The following NLRP4 variants were observed in gnomAD, a reference collection of about 807,000 sequenced individuals.
The protein encoded by NLRP4 is NACHT, LRR and PYD domains-containing protein 4.
Under a neutral mutation model 84.7 loss-of-function variants are expected in NLRP4, and 44 were observed. The observed-to-expected ratio is 0.52, with a 90% CI of 0.41 to 0.67. The LOEUF (loss-of-function observed/expected upper bound fraction) is 0.67. NLRP4 is among the 30% of genes least tolerant of loss of function. The pLI is 0.00. For missense variants in NLRP4, 1,260 were observed against 1,219.4 expected (o/e 1.03, Z -0.50); for synonymous variants, 544 against 476.4 (o/e 1.14, Z -1.85).
Position 55,857,845 on chromosome 19 carries a change from TGATCA to T in NLRP4, c.453_457del (p.Ile152SerfsTer28). The T allele has an allele frequency of 6.2e-7, 1 of 1,613,962 alleles. No individual in the cohort carries two copies. The highest frequency in any genetic ancestry group is 8.5e-7 in the Non-Finnish European group (1 of 1,179,898). ...GAAGCTGGGAAACAGCCACGTACAG[TGATCA>T]TTCAAGGACCACAAGGAATTGGAAA... is the stretch of plus-strand genomic sequence containing the variant. On this transcript the variant is annotated frameshift_variant, in exon 3 of 10. Coordinates refer to ENST00000301295, the MANE Select transcript of NLRP4 (RefSeq NM_134444.5). LOFTEE classifies it high-confidence loss of function.
chr19:55,851,992 G>C, intron 1 of NLRP4, 24 bp from the exon 2 acceptor site: 2 of 903,238 alleles, frequency 2.2e-6, no homozygotes, highest in Admixed American at 4.7e-5. Flanking sequence ...GTAATAACTT[G>C]GCACTGTCCT....
At chr19:55,870,267 A>G (rs960004132) in intron 6 of NLRP4, among the ~76,000 whole-genome samples, 1 of 152,208 alleles carries the variant, frequency 6.6e-6, no homozygotes, top group African/African-American at 2.4e-5. Flanking sequence ...ATTAGAACCA[A>G]AATTAAAGCC....
chr19:55,837,755 G>A (rs1321725713), intron 1 of NLRP4, among the ~76,000 whole-genome samples: 1 of 152,180 alleles, frequency 6.6e-6, no homozygotes, highest in Non-Finnish European at 1.5e-5. Context: ...GCCACATGCG[G>A]CTGGGTGTGG....
At chr19:55,869,795 AATTCAT>A (rs1252340985) in intron 6 of NLRP4, among the ~76,000 whole-genome samples, 1 of 151,350 alleles carries the variant, frequency 6.6e-6, no homozygotes, top group Non-Finnish European at 1.5e-5. Context: ...AAAAAAAAAA[AATTCAT>A]AAACTGGCTG....
At position 55,852,199 on chromosome 19, in the gene NLRP4, A is replaced by G. The variant is rs750500591; in HGVS notation, c.119A>G (p.Lys40Arg). ...LKQMTLQLEL[K>R]QIPWTEVKKA... Reference sequence around the variant, plus strand: ...CAAATGACTTTGCAGCTTGAACTCAAGCAGATTCCCTGGACTGAGGTCAAA... The same window carrying G: ...CAAATGACTTTGCAGCTTGAACTCAGGCAGATTCCCTGGACTGAGGTCAAA... The change falls in exon 2 of 10, where the codon AAG (lysine) becomes AGG (arginine). Residue 40 changes from lysine (K) to arginine (R), a missense_variant. Physicochemically the swap from Lys to Arg is conservative, Grantham distance 26. Transcript: ENST00000301295. 7 of 1,608,652 alleles carry G rather than the reference A, an allele frequency of 4.4e-6. No homozygotes were observed. In the South Asian group the frequency reaches 5.6e-5, roughly 13 times the overall value.
At chr19:55,878,653 A>T (rs192536933) in intron 8 of NLRP4, 141 bp from the exon 9 acceptor site, 1 of 628,926 alleles carries the variant, frequency 1.6e-6, no homozygotes, top group Admixed American at 3.2e-5. Context: ...CAGACGCGTG[A>T]TCTGAGGTCG....
chr19:55,858,898 T>C lies in NLRP4; in HGVS notation c.1505T>C (p.Phe502Ser), dbSNP rs1984592277. 1 of 1,614,006 alleles carries C rather than the reference T, an allele frequency of 6.2e-7. No homozygotes were observed. Among genetic ancestry groups the C allele is most frequent in the African/African-American group, 1.3e-5 (1 of 74,886 alleles). The part of the protein sequence containing the change: ...RRAHWIFLGC[F>S]LTGLLNKKEQ... ...GCACATTGGATTTTTTTGGGGTGTT[T>C]TCTAACTGGCCTTTTAAATAAAAAG... is the stretch of plus-strand genomic sequence containing the variant. The change falls in exon 3 of 10, where the codon TTT (phenylalanine) becomes TCT (serine). Residue 502 changes from phenylalanine to serine, a missense_variant. Transcript: ENST00000301295. This position sits in a 1 kb window ranked among gnomAD's most constrained non-coding sequence, Gnocchi z 4.2.
intron 1 of NLRP4, among the ~76,000 whole-genome samples, chr19:55,848,742 C>T (rs1473584647): frequency 6.6e-6 from 1 of 152,190 alleles, no homozygotes; most frequent in Non-Finnish European, 1.5e-5. Flanking sequence ...GTACAACCCA[C>T]ATGATACGGT....
chr19:55,865,025 G>C (rs1046830306), intron 5 of NLRP4, among the ~76,000 whole-genome samples: 1 of 152,156 alleles, frequency 6.6e-6, no homozygotes, highest in African/African-American at 2.4e-5. Flanking sequence ...CAGGGGTACA[G>C]GTTTATTATA....
chr19:55,867,322 CTG>C (rs1286358203), intron 5 of NLRP4, among the ~76,000 whole-genome samples: 1 of 146,736 alleles, frequency 6.8e-6, no homozygotes, highest in African/African-American at 2.5e-5. Context: ...GTAACTGAGA[CTG>C]TGTCTCAGGT....
At chr19:55,854,314 T>A (rs1033780931) in intron 2 of NLRP4, among the ~76,000 whole-genome samples, 1 of 152,198 alleles carries the variant, frequency 6.6e-6, no homozygotes, top group Admixed American at 6.5e-5. Flanking sequence ...TTATGCAGTT[T>A]GCCTTTTTCA....
At chr19:55,848,404 GCATACTATAC>G (rs1430374868) in intron 1 of NLRP4, among the ~76,000 whole-genome samples, 1 of 151,694 alleles carries the variant, frequency 6.6e-6, no homozygotes, top group East Asian at 1.9e-4. Flanking sequence ...CGATACTATA[GCATACTATAC>G]TATACATTGA....
chr19:55,877,196 T>A, intron 8 of NLRP4, 30 bp downstream of exon 8: 1 of 1,600,400 alleles, frequency 6.2e-7, no homozygotes, highest in Non-Finnish European at 8.6e-7. Flanking sequence ...TGGTTATGTT[T>A]TCATGAGTGG....
At chr19:55,874,479 A>G (rs985366466) in intron 7 of NLRP4, among the ~76,000 whole-genome samples, 4 of 152,202 alleles carry the variant, frequency 2.6e-5, no homozygotes, top group African/African-American at 7.2e-5. Flanking sequence ...GATGCTACAG[A>G]TATTAAAAAG....
At chr19:55,864,848 C>G (rs559097244) in intron 5 of NLRP4, among the ~76,000 whole-genome samples, 8 of 152,100 alleles carry the variant, frequency 5.3e-5, no homozygotes, top group African/African-American at 7.2e-5. Context: ...TGATGAGCAT[C>G]TTTTCCTGTG....
At chr19:55,879,062 A>AC in intron 9 of NLRP4, 98 bp downstream of exon 9, 1 of 937,350 alleles carries the variant, frequency 1.1e-6, no homozygotes, top group Non-Finnish European at 1.6e-6. Context: ...TTAAAATGCA[A>AC]ATGATGTTCC....
chr19:55,874,112 A>G (rs1326778275), intron 7 of NLRP4, among the ~76,000 whole-genome samples: 2 of 152,226 alleles, frequency 1.3e-5, no homozygotes, highest in East Asian at 3.8e-4. Context: ...TGTTAATGCC[A>G]TCCTATAGAA....
At chr19:55,870,309 G>A (rs75315791) in intron 6 of NLRP4, among the ~76,000 whole-genome samples, 9,699 of 152,144 alleles carry the variant, frequency 0.064, 714 homozygotes, top group African/African-American at 0.18. Context: ...CATATTACAC[G>A]ATACTTTTTC....
chr19:55,868,611 C>T (rs302432), intron 6 of NLRP4, among the ~76,000 whole-genome samples: 96,280 of 151,424 alleles, frequency 0.64, 31,002 homozygotes, highest in East Asian at 0.81. Flanking sequence ...CAAGCAATTC[C>T]CCTGCCTCAG....
Sources: gnomAD v4.1 joint callset for allele counts (sites outside exome capture counted in the v4.1 genomes callset) on GRCh38, gnomAD v4.1.1 for gene constraint, Gnocchi (gnomAD v3.1) non-coding constraint, MANE v1.5 for transcripts, NCBI Gene and HGNC (gene_info 2026-07-23, HGNC 2026-07-21) for gene names.